The following TENM2 variants were observed in gnomAD, a reference collection of about 807,000 sequenced individuals.
TENM2 encodes the protein teneurin-2.
TENM2 carries 52 observed loss-of-function variants against 245.2 expected under a neutral mutation model. The observed-to-expected ratio is 0.21, with a 90% CI of 0.17 to 0.27. The LOEUF is 0.27. Ranked by LOEUF, TENM2 falls within the 10% of genes least tolerant of loss-of-function variation. The pLI, the probability that TENM2 is intolerant of heterozygous loss-of-function variation, is 1.00. For synonymous variants in TENM2, 1,363 were observed against 1,438.9 expected, an observed-to-expected ratio of 0.95 and a Z score of 1.19; for missense variants, 3,046 against 3,666.8, an observed-to-expected ratio of 0.83 and a Z score of 4.37.
the TENM2 span, among the ~76,000 whole-genome samples, chr5:167,099,503 C>G: frequency 3.3e-5 from 5 of 152,156 alleles, no homozygotes; most frequent in Non-Finnish European, 1.5e-5. Flanking sequence ...CGAGACCAGC[C>G]TGACCAACAT....
chr5:167,696,977 G>A (rs907757228), intron 2 of TENM2, among the ~76,000 whole-genome samples: 4 of 152,194 alleles, frequency 2.6e-5, no homozygotes, highest in East Asian at 1.9e-4. Flanking sequence ...ATCTGAGGCC[G>A]TCAACCAGGC....
At chr5:167,766,265 C>G (rs1038279087) in intron 2 of TENM2, among the ~76,000 whole-genome samples, 1 of 151,844 alleles carries the variant, frequency 6.6e-6, no homozygotes, top group Non-Finnish European at 1.5e-5. Context: ...GTATTCTAAG[C>G]TGGGGAAAAA....
intron 2 of TENM2, among the ~76,000 whole-genome samples, chr5:167,803,469 T>G (rs1439177850): frequency 6.6e-6 from 1 of 152,074 alleles, no homozygotes; most frequent in East Asian, 1.9e-4. Context: ...TAGTCTCCAT[T>G]TTTCTTTATT....
chr5:168,200,495 G>T (rs1044737206), intron 17 of TENM2, among the ~76,000 whole-genome samples: 2 of 152,184 alleles, frequency 1.3e-5, no homozygotes, highest in Non-Finnish European at 2.9e-5. Context: ...AGAAGAAGAG[G>T]ATTTCAGGCA....
chr5:167,980,346 A>G (rs889776550), intron 4 of TENM2, among the ~76,000 whole-genome samples: 14 of 152,208 alleles, frequency 9.2e-5, no homozygotes, highest in Non-Finnish European at 1.5e-5. Flanking sequence ...AGGCTGATCA[A>G]GAAATCCTTT....
intron 2 of TENM2, among the ~76,000 whole-genome samples, chr5:167,413,907 ATACTT>A (rs1173222262): frequency 6.6e-6 from 1 of 152,194 alleles, no homozygotes; most frequent in Non-Finnish European, 1.5e-5. Flanking sequence ...ATAGCGCTCA[ATACTT>A]TACCACCTAA....
At chr5:167,159,405 A>C in the TENM2 span, among the ~76,000 whole-genome samples, 1 of 152,222 alleles carries the variant, frequency 6.6e-6, no homozygotes, top group African/African-American at 2.4e-5. Flanking sequence ...GAGATCTATT[A>C]GACAGCATGG....
intron 15 of TENM2, among the ~76,000 whole-genome samples, chr5:168,196,711 C>T (rs1692993863): frequency 6.6e-6 from 1 of 152,248 alleles, no homozygotes; most frequent in Admixed American, 6.5e-5. Flanking sequence ...ATCCATCCAC[C>T]TTGGCCTCCC....
intron 2 of TENM2, among the ~76,000 whole-genome samples, chr5:167,793,312 T>C (rs892444201): frequency 1.3e-5 from 2 of 152,098 alleles, no homozygotes; most frequent in Non-Finnish European, 2.9e-5. Flanking sequence ...ATAATAATAA[T>C]AGCTTCATGG....
intron 3 of TENM2, among the ~76,000 whole-genome samples, chr5:167,935,290 GC>G (rs1561953662): frequency 6.6e-6 from 1 of 152,134 alleles, no homozygotes; most frequent in Admixed American, 6.5e-5. Flanking sequence ...CCTATTGTGA[GC>G]CTAGGCAGTG....
At chr5:167,997,102 C>T (rs532626317) in intron 5 of TENM2, among the ~76,000 whole-genome samples, 1 of 152,182 alleles carries the variant, frequency 6.6e-6, no homozygotes, top group Non-Finnish European at 1.5e-5. Flanking sequence ...AACCAACACT[C>T]TAGCAGAAAA....
chr5:168,218,240 C>T lies in TENM2; in HGVS notation c.4349C>T (p.Ala1450Val), dbSNP rs754822894. 9.9e-6 allele frequency: 16 copies of T among 1,613,674 alleles called. No individual in the cohort carries two copies. The highest frequency in any genetic ancestry group is 1.3e-5 in the Non-Finnish European group (15 of 1,179,878). ...GAGAACCACCAAGTCAGCATCATTGCGGGACGCCCCATGCACTGCCAAGTT... is the reference window on the plus strand; with the variant it reads ...GAGAACCACCAAGTCAGCATCATTGTGGGACGCCCCATGCACTGCCAAGTT... Residue 1450 changes from alanine to valine, a missense_variant, in exon 23 of 29, where the codon GCG becomes GTG. By Grantham distance (64) the Ala-to-Val change is moderately conservative. This residue lies in a region of TENM2 where 2,704 missense variants were observed against 3,331.9 expected (regional missense o/e 0.81). Transcript: ENST00000518659. The surrounding 1 kb of genome is among the most constrained non-coding windows in gnomAD (Gnocchi z 5.2).
chr5:167,222,636 G>T, the TENM2 span, among the ~76,000 whole-genome samples: 3 of 152,106 alleles, frequency 2.0e-5, no homozygotes, highest in Admixed American at 2.0e-4. Flanking sequence ...CAGCACCTAT[G>T]ATTCTCTCTT....
chr5:167,178,127 A>G, the TENM2 span, among the ~76,000 whole-genome samples: 1 of 152,222 alleles, frequency 6.6e-6, no homozygotes, highest in Non-Finnish European at 1.5e-5. Flanking sequence ...CAAGTGAAGG[A>G]GGCTATTAAT....
At chr5:167,246,152 A>C in the TENM2 span, among the ~76,000 whole-genome samples, 15 of 152,268 alleles carry the variant, frequency 9.9e-5, no homozygotes, top group Non-Finnish European at 1.8e-4. Flanking sequence ...TTCTACGGCA[A>C]GAGAGGGACA....
chr5:167,435,441 T>C lies in TENM2; in HGVS notation c.502+59968T>C, dbSNP rs143668579. Among the ~76,000 whole-genome samples, 1,189 of 152,322 alleles carry C rather than the reference T, an allele frequency of 7.8e-3. 9 individuals are homozygous for C. Among genetic ancestry groups the C allele is most frequent in the Non-Finnish European group, 0.012 (798 of 68,020 alleles). ...TCATTCTCTCTATTGCCTGCTGCGA[T>C]GTAAGATGTGCCTTTCACCTTCTGC... On this transcript the variant is annotated intron_variant, in intron 2 of 28. Coordinates refer to ENST00000518659, the Ensembl canonical transcript of TENM2.
intron 12 of TENM2, among the ~76,000 whole-genome samples, chr5:168,147,603 T>C (rs991560119): frequency 1.3e-5 from 2 of 152,200 alleles, no homozygotes; most frequent in Admixed American, 1.3e-4. Context: ...TCTCCGGCAA[T>C]GTCAACTAAA....
chr5:168,056,967 T>A (rs1454543199), intron 6 of TENM2, among the ~76,000 whole-genome samples: 1 of 152,120 alleles, frequency 6.6e-6, no homozygotes, highest in South Asian at 2.1e-4. Flanking sequence ...GTGAGTATAC[T>A]CACACCACTA....
chr5:167,643,424 G>C (rs1001195595), intron 2 of TENM2, among the ~76,000 whole-genome samples: 3 of 151,554 alleles, frequency 2.0e-5, no homozygotes, highest in Non-Finnish European at 2.9e-5. Flanking sequence ...TCTTTTTTGT[G>C]GTTTAAACAT....
Sources: allele counts gnomAD v4.1 joint callset (sites outside exome capture counted in the v4.1 genomes callset), GRCh38; gene constraint gnomAD v4.1.1; regional missense constraint gnomAD v4.1.1; non-coding constraint Gnocchi (gnomAD v3.1); transcripts MANE v1.5; gene names NCBI Gene and HGNC (gene_info 2026-07-23, HGNC 2026-07-21).